Variants in GFOD2 observed in about 807,000 individuals in gnomAD.
GFOD2 encodes Gfo/Idh/MocA-like oxidoreductase domain containing 2.
A neutral mutation model predicts 24.6 loss-of-function variants in GFOD2; 9 were observed. The ratio of observed to expected loss-of-function variants is 0.37; its 90% confidence interval spans 0.22 to 0.64. The LOEUF (loss-of-function observed/expected upper bound fraction) is 0.64, where lower values mean the gene tolerates loss of function less well. Among genes scored for constraint, GFOD2 ranks in the 30% least tolerant of loss-of-function variants. The pLI is 0.65. For synonymous variants in GFOD2, 211 were observed against 224.8 expected (o/e 0.94, Z 0.55); for missense variants, 476 against 532.5 (o/e 0.89, Z 1.04).
chr16:67,683,845 A>G, intron 2 of GFOD2: 2 of 1,211,662 alleles, frequency 1.7e-6, no homozygotes, highest in Non-Finnish European at 2.0e-6. Flanking sequence ...CTTCGGCTGC[A>G]TCAAGGAGAC....
Position 67,687,423 on chromosome 16 carries a change from G to A in GFOD2, c.-87-1621C>T, listed in dbSNP as rs576349866. Among the ~76,000 whole-genome samples the A allele has an allele frequency of 7.9e-5, 12 of 151,582 alleles. No homozygotes were observed. In the South Asian group the frequency reaches 1.7e-3, roughly 21 times the overall value. ...TGGGAGGCCGAGGCGGGCGGATCAC[G>A]AGGTCAGGAGATAGAGACCATCCTC... On this transcript the variant is annotated intron_variant, in intron 1 of 2. Coordinates refer to ENST00000268797, the MANE Select transcript of GFOD2 (RefSeq NM_030819.4).
chr16:67,698,275 C>T (rs2053372570), intron 1 of GFOD2, among the ~76,000 whole-genome samples: 2 of 152,166 alleles, frequency 1.3e-5, no homozygotes, highest in Admixed American at 1.3e-4. Flanking sequence ...GACACATCCC[C>T]ACTCCGTCAT....
intron 1 of GFOD2, among the ~76,000 whole-genome samples, chr16:67,698,552 T>C (rs2053375397): frequency 6.6e-6 from 1 of 152,204 alleles, no homozygotes; most frequent in Admixed American, 6.5e-5. Context: ...TGATCTTGGC[T>C]CATTGCAACC....
At position 67,693,874 on chromosome 16, in the gene GFOD2, C is replaced by G. The variant is rs555470016; in HGVS notation, c.-87-8072G>C. On this transcript the variant is annotated intron_variant, in intron 1 of 2. Transcript: ENST00000268797. ...GTTTCAGGCTATAGTGGGTTATGAT[C>G]ATGCCATTGCACTCCAGCCTGGGTG... 2.0e-5 allele frequency among the ~76,000 whole-genome samples: 3 copies of G among 152,092 alleles called. No individual in the cohort carries two copies. In the East Asian group the frequency reaches 5.8e-4, roughly 29 times the overall value.
intron 1 of GFOD2, among the ~76,000 whole-genome samples, chr16:67,687,431 G>A (rs1217378135): frequency 6.6e-6 from 1 of 151,664 alleles, no homozygotes; most frequent in Non-Finnish European, 1.5e-5. Flanking sequence ...ACGAGGTCAG[G>A]AGATAGAGAC....
chr16:67,697,924 G>T (rs1174916375), intron 1 of GFOD2, among the ~76,000 whole-genome samples: 1 of 152,182 alleles, frequency 6.6e-6, no homozygotes, highest in Non-Finnish European at 1.5e-5. Context: ...GGCGTAAAGT[G>T]TTAATCTCAA....
At chr16:67,683,901 A>G (rs2053246481) in intron 2 of GFOD2, 2 of 1,126,474 alleles carry the variant, frequency 1.8e-6, no homozygotes, top group Admixed American at 4.9e-5. Flanking sequence ...CAGTCAAGTA[A>G]GTATGTGCTA....
chr16:67,703,766 A>G (rs549229244), intron 1 of GFOD2, among the ~76,000 whole-genome samples: 1 of 152,316 alleles, frequency 6.6e-6, no homozygotes, highest in Non-Finnish European at 1.5e-5. Flanking sequence ...TCTGTTGCAG[A>G]GAAGAGCACC....
At chr16:67,689,220 G>C (rs2053293219) in intron 1 of GFOD2, among the ~76,000 whole-genome samples, 1 of 149,776 alleles carries the variant, frequency 6.7e-6, no homozygotes, top group African/African-American at 2.5e-5. Context: ...TGTATTTTTG[G>C]TAGTGATGAG....
chr16:67,702,462 ACT>A lies in GFOD2; in HGVS notation c.-87-16662_-87-16661del, dbSNP rs1041264011. ...GCACTCCAGCCTGGGCAACAGAGTG[ACT>A]CTGTCTTAAAAAAAAAAAAATTTAC... On this transcript the variant is annotated intron_variant, in intron 1 of 2. Transcript: ENST00000268797. Among the ~76,000 whole-genome samples the A allele has an allele frequency of 4.0e-5, 6 of 150,292 alleles. No homozygotes were observed. In the Admixed American group the frequency reaches 4.0e-4, roughly 10 times the overall value.
At chr16:67,685,435 T>G (rs533536211) in intron 2 of GFOD2, 22 bp downstream of exon 2, 1 of 1,614,048 alleles carries the variant, frequency 6.2e-7, no homozygotes, top group African/African-American at 1.3e-5. Flanking sequence ...GATCTGCCCC[T>G]GCTGTGGCCT....
intron 1 of GFOD2, among the ~76,000 whole-genome samples, chr16:67,708,933 A>G (rs993113029): frequency 6.6e-6 from 1 of 152,098 alleles, no homozygotes; most frequent in Admixed American, 6.5e-5. Context: ...ATTTCATCCT[A>G]ATATAAAGCA....
intron 1 of GFOD2, among the ~76,000 whole-genome samples, chr16:67,696,663 C>T (rs559241892): frequency 1.3e-5 from 2 of 151,780 alleles, no homozygotes; most frequent in Non-Finnish European, 2.9e-5. Context: ...TCAGTAGAGA[C>T]GGGGTTTCAC....
chr16:67,710,672 A>G (rs996203482), intron 1 of GFOD2, among the ~76,000 whole-genome samples: 6 of 152,158 alleles, frequency 3.9e-5, no homozygotes, highest in Non-Finnish European at 8.8e-5. Context: ...AGTTAGCCTT[A>G]TTTTTAAAAG....
intron 1 of GFOD2, among the ~76,000 whole-genome samples, chr16:67,706,951 C>T (rs1325185141): frequency 1.3e-5 from 2 of 150,344 alleles, no homozygotes; most frequent in African/African-American, 2.5e-5. Context: ...CCCAGCTACT[C>T]GGGAGGCTGA....
intron 1 of GFOD2, among the ~76,000 whole-genome samples, chr16:67,697,179 G>A (rs1027835900): frequency 1.6e-4 from 24 of 152,120 alleles, no homozygotes; most frequent in African/African-American, 5.6e-4. Context: ...CTTTCCAGCT[G>A]GGTGACCTCA....
At chr16:67,700,606 G>A (rs2053395245) in intron 1 of GFOD2, among the ~76,000 whole-genome samples, 1 of 151,160 alleles carries the variant, frequency 6.6e-6, no homozygotes, top group Admixed American at 6.6e-5. Flanking sequence ...CAGCTGCTTG[G>A]AAGGGTGAGG....
intron 1 of GFOD2, among the ~76,000 whole-genome samples, chr16:67,696,618 C>T (rs113328713): frequency 0.052 from 7,834 of 151,596 alleles, 563 homozygotes; most frequent in African/African-American, 0.17. Context: ...GGACTACAGG[C>T]ACCCACCACC....
Position 67,712,903 on chromosome 16 carries a change from C to T in GFOD2, c.-88+6260G>A, listed in dbSNP as rs1274071554. On this transcript the variant is annotated intron_variant, in intron 1 of 2. Coordinates refer to ENST00000268797, the MANE Select transcript of GFOD2 (RefSeq NM_030819.4). ...GGAGCGTCTCTGCCCGGCCGCCCAT[C>T]GTCTGAGATGTGGGGAGCACCTCTG... Among the ~76,000 whole-genome samples, 3 of 115,852 alleles carry T rather than the reference C, an allele frequency of 2.6e-5. 1 individual carries two copies. Among genetic ancestry groups the T allele is most frequent in the East Asian group, 2.0e-4 (1 of 4,922 alleles). 76.0% of individuals were successfully genotyped at this position (115,852 alleles called of 152,430 possible).
Sources: allele counts gnomAD v4.1 joint callset (sites outside exome capture counted in the v4.1 genomes callset), GRCh38; gene constraint gnomAD v4.1.1; transcripts MANE v1.5; gene names NCBI Gene and HGNC (gene_info 2026-07-23, HGNC 2026-07-21).